Variants in OPA1 observed in about 807,000 individuals in gnomAD.
OPA1 encodes the protein dynamin-like GTPase OPA1, mitochondrial.
In OPA1, 59 loss-of-function variants were observed where a neutral mutation model predicts 152.9. The ratio of observed to expected loss-of-function variants is 0.39; its 90% confidence interval spans 0.31 to 0.48. The LOEUF is 0.48. Ranked by LOEUF, OPA1 falls within the 20% of genes least tolerant of loss-of-function variation. The probability of loss-of-function intolerance (pLI) is 0.96; values close to 1 mark genes in which losing one functional copy is unlikely to be tolerated. For missense variants in OPA1, 1,008 were observed against 1,216.8 expected (o/e 0.83, Z 2.55); for synonymous variants, 400 against 389.9 (o/e 1.03, Z -0.31).
At chr3:193,666,174 G>A (rs1216653186) in intron 27 of OPA1, 122 bp from the exon 28 acceptor site, 2 of 794,182 alleles carry the variant, frequency 2.5e-6, no homozygotes, top group Admixed American at 3.9e-5. Flanking sequence ...ATATGCATTA[G>A]GTAAATCTGA....
At chr3:193,666,465 A>G in intron 28 of OPA1, 76 bp downstream of exon 28, 1 of 1,167,458 alleles carries the variant, frequency 8.6e-7, no homozygotes, top group Non-Finnish European at 1.3e-6. Flanking sequence ...TAATAGAAGG[A>G]TGCCAAAATA....
chr3:193,614,018 G>T (rs1293685509), intron 1 of OPA1: 1 of 516,394 alleles, frequency 1.9e-6, no homozygotes, highest in Non-Finnish European at 3.9e-6. Flanking sequence ...TGTATGTTAA[G>T]ATATGGTTGT....
chr3:193,653,851 A>C (rs1438117767), intron 21 of OPA1, among the ~76,000 whole-genome samples: 5 of 152,222 alleles, frequency 3.3e-5, no homozygotes, highest in Non-Finnish European at 5.9e-5. Context: ...GTAAAACCAC[A>C]ATGACCACTA....
chr3:193,614,633 G>A, intron 1 of OPA1, 90 bp from the exon 2 acceptor site: 1 of 966,630 alleles, frequency 1.0e-6, no homozygotes, highest in South Asian at 1.3e-5. Flanking sequence ...GTATGGGGCT[G>A]TGTTTCCTTT....
chr3:193,645,410 G>A (rs1734414476), intron 16 of OPA1, 143 bp from the exon 17 acceptor site: 8 of 625,502 alleles, frequency 1.3e-5, no homozygotes, highest in Non-Finnish European at 2.2e-5. Context: ...AAATAGCAAT[G>A]GAAAAACATT....
chr3:193,644,006 T>G lies in OPA1; in HGVS notation c.1509T>G (p.Val503=). 6.2e-7 allele frequency: 1 copy of G among 1,613,892 alleles called. No individual in the cohort carries two copies. Among genetic ancestry groups the G allele is most frequent in the South Asian group, 1.1e-5 (1 of 91,082 alleles). The change falls in exon 16 of 31, where the codon GTT becomes GTG. Residue 503 remains valine, a synonymous_variant. Coordinates refer to ENST00000361510, the MANE Select transcript of OPA1 (RefSeq NM_130837.3). ...CTGTGGATGCTGAACGCAGTATTGT[T>G]ACAGACTTGGTCAGTCAAATGGACC... ...DGSVDAERSI[V]TDLVSQMDPH... is the part of the protein sequence containing the mutation.
rs575709854 is a variant in OPA1 at position 193,689,588 on chromosome 3, G to T, written c.2984-2475G>T. Among the ~76,000 whole-genome samples, 46 of 152,248 alleles carry T rather than the reference G, an allele frequency of 3.0e-4. No individual in the cohort carries two copies. In the South Asian group the frequency reaches 9.6e-3, roughly 32 times the overall value. On this transcript the variant is annotated intron_variant, in intron 29 of 30. Transcript: ENST00000361510. ...AGGGTGAGACACCTGCATCAGGGTGGCTCTTGGTATCTTTCAATTCAATTG... is the reference window on the plus strand; with the variant it reads ...AGGGTGAGACACCTGCATCAGGGTGTCTCTTGGTATCTTTCAATTCAATTG...
intron 29 of OPA1, among the ~76,000 whole-genome samples, chr3:193,682,455 A>T (rs1410729942): frequency 1.3e-5 from 2 of 152,214 alleles, no homozygotes; most frequent in Admixed American, 6.5e-5. Flanking sequence ...CTTGATGCAG[A>T]TGAAGTAGCT....
chr3:193,637,460 T>A (rs1733131344), intron 10 of OPA1, among the ~76,000 whole-genome samples, 179 bp downstream of exon 10: 1 of 151,742 alleles, frequency 6.6e-6, no homozygotes, highest in Non-Finnish European at 1.5e-5. Flanking sequence ...TATTTGACTA[T>A]TTTAGTTCAT....
At chr3:193,601,283 G>A (rs1325136416) in intron 1 of OPA1, among the ~76,000 whole-genome samples, 1 of 152,018 alleles carries the variant, frequency 6.6e-6, no homozygotes, top group Non-Finnish European at 1.5e-5. Flanking sequence ...CTATTTCGAG[G>A]CTAGTGCTAA....
chr3:193,629,493 T>C (rs1198537230), intron 7 of OPA1, among the ~76,000 whole-genome samples: 4 of 151,810 alleles, frequency 2.6e-5, no homozygotes, highest in African/African-American at 9.7e-5. Context: ...GGTCAGGAGA[T>C]CGAGACCATC....
chr3:193,675,031 A>G (rs1357650398), intron 29 of OPA1, among the ~76,000 whole-genome samples: 2 of 152,176 alleles, frequency 1.3e-5, no homozygotes, highest in Admixed American at 1.3e-4. Flanking sequence ...ACAATTTTTC[A>G]TGCTATTAAT....
intron 29 of OPA1, among the ~76,000 whole-genome samples, chr3:193,688,165 C>T (rs184354518): frequency 2.4e-3 from 362 of 152,292 alleles, no homozygotes; most frequent in Non-Finnish European, 3.8e-3. Context: ...CCCTTATCTT[C>T]TGTGCCATAT....
rs111738519 is a variant in OPA1 at position 193,651,254 on chromosome 3, A to G, written c.2012+2383A>G. 3.3e-5 allele frequency among the ~76,000 whole-genome samples: 5 copies of G among 152,362 alleles called. 1 individual carries two copies. The highest frequency in any genetic ancestry group is 9.6e-5 in the African/African-American group (4 of 41,596). ...CTTTGTAGTAGGCAAAATGGAATAC[A>G]GGCGGAGAAAACTGTAAGCAAGGAG... On this transcript the variant is annotated intron_variant, in intron 21 of 30. Coordinates refer to ENST00000361510, the MANE Select transcript of OPA1 (RefSeq NM_130837.3).
chr3:193,675,743 C>T (rs984804002), intron 29 of OPA1, among the ~76,000 whole-genome samples: 4 of 152,194 alleles, frequency 2.6e-5, no homozygotes, highest in East Asian at 1.9e-4. Flanking sequence ...ATGTCTATCA[C>T]GGTCGATCCC....
intron 29 of OPA1, among the ~76,000 whole-genome samples, chr3:193,686,925 T>C (rs1031465161): frequency 6.6e-6 from 1 of 152,186 alleles, no homozygotes; most frequent in Non-Finnish European, 1.5e-5. Context: ...TTGCTTTCTT[T>C]AAAAACATCA....
At chr3:193,658,259 AAAAAAG>A (rs57352075) in intron 23 of OPA1, among the ~76,000 whole-genome samples, 29,812 of 148,584 alleles carry the variant, frequency 0.2, 2,947 homozygotes, top group South Asian at 0.28. Flanking sequence ...AAAAAAAAAA[AAAAAAG>A]AAAGAAAACC....
chr3:193,671,839 CTT>C (rs1176092317), intron 29 of OPA1, among the ~76,000 whole-genome samples: 2 of 152,192 alleles, frequency 1.3e-5, no homozygotes, highest in African/African-American at 2.4e-5. Context: ...GGAAATGAGA[CTT>C]TTGAGAACAT....
At chr3:193,642,319 A>T (rs1011318818) in intron 11 of OPA1, among the ~76,000 whole-genome samples, 6 of 152,146 alleles carry the variant, frequency 3.9e-5, no homozygotes, top group Admixed American at 2.0e-4. Flanking sequence ...GTGTTTCCCC[A>T]CCTACAACAC....
Sources: allele counts gnomAD v4.1 joint callset (sites outside exome capture counted in the v4.1 genomes callset), GRCh38; gene constraint gnomAD v4.1.1; transcripts MANE v1.5; gene names NCBI Gene and HGNC (gene_info 2026-07-23, HGNC 2026-07-21).